The following PHF19 variants were observed in gnomAD, a reference collection of about 807,000 sequenced individuals.
PHF19 encodes the protein PHD finger protein 19.
A neutral mutation model predicts 79.8 loss-of-function variants in PHF19; 21 were observed. The ratio of observed to expected loss-of-function variants is 0.26; its 90% CI spans 0.19 to 0.38. PHF19 has a LOEUF of 0.38. PHF19 is among the 10% of genes least tolerant of loss of function. PHF19 has a pLI of 1.00. For synonymous variants in PHF19, 273 were observed against 296.3 expected (o/e 0.92, Z 0.81); for missense variants, 445 against 744.2 (o/e 0.60, Z 4.68).
chr9:120,857,934 C>T lies in PHF19; in HGVS notation c.*10G>A, dbSNP rs554859029. ...TGGTTTTCAGGACCCCTGGCACCCC[C>T]GGGGGCTAGTCAGTAAGGGGTGGTC... On this transcript the variant is annotated 3_prime_UTR_variant, in exon 15 of 15. Coordinates refer to ENST00000373896, the MANE Select transcript of PHF19 (RefSeq NM_015651.3). The T allele has an allele frequency of 8.5e-6, 13 of 1,531,544 alleles. No homozygotes were observed. Among genetic ancestry groups the T allele is most frequent in the South Asian group, 6.0e-5 (5 of 82,744 alleles). 94.9% of individuals were successfully genotyped at this position (1,531,544 alleles called of 1,614,324 possible).
rs755421726 is a variant in PHF19, at chr9:120,862,544, C to T, written c.1130+44G>A. On this transcript the variant is annotated intron_variant, in intron 11 of 14. Coordinates refer to ENST00000373896, the MANE Select transcript of PHF19 (RefSeq NM_015651.3). The surrounding 1 kb of genome is among the most constrained non-coding windows in gnomAD (Gnocchi z 4.6). ...CTTGCTTGCTTGGAAGCAGAGAAAC[C>T]GAGTTTGGCGGCAGCCCTGGCCCCT... 5.0e-6 allele frequency: 8 copies of T among 1,586,228 alleles called. No individual in the cohort carries two copies. The highest frequency in any genetic ancestry group is 2.2e-5 in the South Asian group (2 of 90,322).
chr9:120,876,671 G>A (rs2046068470), intron 1 of PHF19, among the ~76,000 whole-genome samples: 2 of 152,164 alleles, frequency 1.3e-5, no homozygotes, highest in Admixed American at 1.3e-4. Flanking sequence ...TAAAAAGGAT[G>A]TTCAGGAGGG....
intron 9 of PHF19, 84 bp downstream of exon 9, chr9:120,865,626 G>C: frequency 2.0e-6 from 3 of 1,525,122 alleles, no homozygotes; most frequent in Non-Finnish European, 2.7e-6. Flanking sequence ...TGAGAGTTCA[G>C]AGACTTCCAT....
At position 120,874,106 on chromosome 9, in the gene PHF19, A is replaced by G. The variant is rs1476811561; in HGVS notation, c.187-46T>C. On this transcript the variant is annotated intron_variant, in intron 2 of 14. Transcript: ENST00000373896. The surrounding 1 kb of genome is among the most constrained non-coding windows in gnomAD (Gnocchi z 4.5). ...AGCAAGTGAGAAAGGGCTGGGGAAAAGCCAACCTGGAACATAGTCTTCCTC... is the reference window on the plus strand; with the variant it reads ...AGCAAGTGAGAAAGGGCTGGGGAAAGGCCAACCTGGAACATAGTCTTCCTC... The G allele has an allele frequency of 9.8e-7, 1 of 1,019,242 alleles. No homozygotes were observed. The highest frequency in any genetic ancestry group is 1.5e-6 in the Non-Finnish European group (1 of 651,866). The allele number at this position is 1,019,242 out of a possible 1,614,324, so 63.1% of individuals were successfully genotyped here. A position where few individuals can be genotyped will look rare whatever the true frequency, so the allele number is the denominator to read the frequency against.
chr9:120,896,753 G>A (rs1452819925), upstream of PHF19, among the ~76,000 whole-genome samples: 4 of 152,124 alleles, frequency 2.6e-5, no homozygotes, highest in Middle Eastern at 3.4e-3. Flanking sequence ...GTGCCCGGCC[G>A]TTTGTATGGT....
In PHF19 at chr9:120,877,146, T is replaced by TG; in HGVS notation, c.-72dup. On this transcript the variant is annotated 5_prime_UTR_variant, in exon 1 of 15. Coordinates refer to ENST00000373896, the MANE Select transcript of PHF19 (RefSeq NM_015651.3). Reference sequence around the variant, plus strand: ...GGAGTCTGGCCACCAGGCGCATCGGTGGCGGAGGCGGCTGCGCTCGGCCCG... The same window carrying TG: ...GGAGTCTGGCCACCAGGCGCATCGGTGGGCGGAGGCGGCTGCGCTCGGCCCG... 3 of 978,376 alleles carry TG rather than the reference T, an allele frequency of 3.1e-6. No homozygotes were observed. Among genetic ancestry groups the TG allele is most frequent in the South Asian group, 9.6e-5 (2 of 20,800 alleles). The allele number at this position is 978,376 out of a possible 1,614,324, so 60.6% of individuals were successfully genotyped here. A position where few individuals can be genotyped will look rare whatever the true frequency, so the allele number is the denominator to read the frequency against.
intron 3 of PHF19, among the ~76,000 whole-genome samples, chr9:120,873,555 A>G (rs1345218469): frequency 6.6e-6 from 1 of 152,152 alleles, no homozygotes; most frequent in Non-Finnish European, 1.5e-5. Flanking sequence ...AGTTTTATTC[A>G]TATGTTAAAT....
At chr9:120,868,137 T>C (rs2045760938) in intron 6 of PHF19, 1 of 152,204 alleles carries the variant, frequency 6.6e-6, no homozygotes, top group African/African-American at 2.4e-5. Flanking sequence ...AGTGGCATGA[T>C]CACAGCTCAC....
chr9:120,879,311 G>C (rs968199752), upstream of PHF19, among the ~76,000 whole-genome samples: 1 of 152,226 alleles, frequency 6.6e-6, no homozygotes, highest in African/African-American at 2.4e-5. Flanking sequence ...GAGACACACA[G>C]GTGGATGAGA....
chr9:120,874,087 TG>T lies in PHF19; in HGVS notation c.187-28del. ...TGGGGTACAGATAGGAAGGAGCAAGTGAGAAAGGGCTGGGGAAAAGCCAACC... is the reference window on the plus strand; with the variant it reads ...TGGGGTACAGATAGGAAGGAGCAAGTAGAAAGGGCTGGGGAAAAGCCAACC... On this transcript the variant is annotated intron_variant, in intron 2 of 14. Coordinates refer to ENST00000373896, the MANE Select transcript of PHF19 (RefSeq NM_015651.3). This position sits in a 1 kb window ranked among gnomAD's most constrained non-coding sequence, Gnocchi z 4.5. The T allele has an allele frequency of 7.4e-7, 1 of 1,352,572 alleles. No individual in the cohort carries two copies. Among genetic ancestry groups the T allele is most frequent in the Non-Finnish European group, 1.1e-6 (1 of 950,222 alleles). The allele number at this position is 1,352,572 out of a possible 1,614,324, so 83.8% of individuals were successfully genotyped here. A position where few individuals can be genotyped will look rare whatever the true frequency, so the allele number is the denominator to read the frequency against.
chr9:120,885,637 G>T (rs10760121), intron 1 of PHF19, among the ~76,000 whole-genome samples: 103,809 of 151,028 alleles, frequency 0.69, 35,918 homozygotes, highest in Middle Eastern at 0.8. Flanking sequence ...CAGGAAAGAC[G>T]CATTCAAGAT....
At chr9:120,858,686 A>G (rs1366784629) in intron 14 of PHF19, among the ~76,000 whole-genome samples, 3 of 152,186 alleles carry the variant, frequency 2.0e-5, no homozygotes, top group Non-Finnish European at 4.4e-5. Flanking sequence ...CATGCAGTGC[A>G]GAGGCCCTGC....
the PHF19 span, among the ~76,000 whole-genome samples, chr9:120,900,282 C>T: frequency 7.9e-5 from 12 of 152,282 alleles, no homozygotes; most frequent in South Asian, 4.1e-4. Context: ...CCACCGCACC[C>T]GGCCTTGACT....
chr9:120,891,338 A>G lies in PHF19; in HGVS notation c.42+3450T>C, dbSNP rs553180441. On this transcript the variant is annotated intron_variant, in intron 1 of 14. Transcript: ENST00000616568. The surrounding 1 kb of genome is among the most constrained non-coding windows in gnomAD (Gnocchi z 4.3). ...GGAACTTGGTCCAGCTACAGTCAAT[A>G]TCTAGAGAAGGTATTGGCCTAGAGA... Among the ~76,000 whole-genome samples, 8 of 151,028 alleles carry G rather than the reference A, an allele frequency of 5.3e-5. No homozygotes were observed. The highest frequency in any genetic ancestry group is 1.2e-4 in the Non-Finnish European group (8 of 67,870).
chr9:120,863,323 C>G (rs2045593070), intron 10 of PHF19, among the ~76,000 whole-genome samples: 1 of 151,742 alleles, frequency 6.6e-6, no homozygotes, highest in African/African-American at 2.4e-5. Flanking sequence ...GATAATTCTA[C>G]CCAGAGGTGT....
chr9:120,898,203 G>A (rs1432832373), upstream of PHF19, among the ~76,000 whole-genome samples: 2 of 152,152 alleles, frequency 1.3e-5, no homozygotes, highest in Admixed American at 6.5e-5. Context: ...TGCAATCTCC[G>A]CCTCCTGGGT....
chr9:120,888,672 T>C (rs2131594606), intron 1 of PHF19, among the ~76,000 whole-genome samples: 1 of 152,162 alleles, frequency 6.6e-6, no homozygotes, highest in South Asian at 2.1e-4. Context: ...ACTCTGTCCA[T>C]CCAAAGCAAA....
chr9:120,895,210 G>A (rs2046390852), upstream of PHF19, among the ~76,000 whole-genome samples: 1 of 152,132 alleles, frequency 6.6e-6, no homozygotes, highest in Non-Finnish European at 1.5e-5. Flanking sequence ...AGGGGACCCT[G>A]CTGACACCTT....
At chr9:120,864,007 T>C (rs2045619154) in intron 10 of PHF19, 42 bp downstream of exon 10, 4 of 1,522,964 alleles carry the variant, frequency 2.6e-6, no homozygotes, top group Non-Finnish European at 3.6e-6. Context: ...GAATCTCACC[T>C]GTAGAGGGCC....
Sources: allele counts gnomAD v4.1 joint callset (sites outside exome capture counted in the v4.1 genomes callset), GRCh38; gene constraint gnomAD v4.1.1; non-coding constraint Gnocchi (gnomAD v3.1); transcripts MANE v1.5; gene names NCBI Gene and HGNC (gene_info 2026-07-23, HGNC 2026-07-21).